The following DLGAP1 variants were observed in gnomAD, a reference collection of about 807,000 sequenced individuals.
DLGAP1 encodes disks large-associated protein 1.
DLGAP1 carries 11 observed loss-of-function variants against 90.8 expected under a neutral mutation model. The observed-to-expected ratio is 0.12, with a 90% CI of 0.08 to 0.20. DLGAP1 has a LOEUF of 0.20. Among genes scored for constraint, DLGAP1 ranks in the 10% least tolerant of loss-of-function variants. The pLI is 1.00. For missense variants in DLGAP1, 1,050 were observed against 1,333.8 expected (o/e 0.79, Z 3.31); for synonymous variants, 558 against 540.7 (o/e 1.03, Z -0.44).
At chr18:3,681,026 T>G (rs909291545) in intron 7 of DLGAP1, among the ~76,000 whole-genome samples, 2 of 152,062 alleles carry the variant, frequency 1.3e-5, no homozygotes, top group Non-Finnish European at 2.9e-5. Context: ...TGGTGAGATA[T>G]GAAAAAGGGT....
intron 4 of DLGAP1, chr18:3,878,067 G>A (rs1437678990): frequency 6.6e-6 from 1 of 152,112 alleles, no homozygotes; most frequent in African/African-American, 2.4e-5. Flanking sequence ...GAGCAAAAAA[G>A]ATGAACTCCT....
At chr18:3,750,218 T>A (rs1176615800) in intron 5 of DLGAP1, among the ~76,000 whole-genome samples, 1 of 152,230 alleles carries the variant, frequency 6.6e-6, no homozygotes, top group Non-Finnish European at 1.5e-5. Flanking sequence ...AGTGACAACA[T>A]GTGGCATTTG....
chr18:4,363,257 C>T (rs1344693721), intron 1 of DLGAP1, among the ~76,000 whole-genome samples: 1 of 152,164 alleles, frequency 6.6e-6, no homozygotes, highest in Non-Finnish European at 1.5e-5. Context: ...ATCCACACAT[C>T]CCTGATTGCA....
At chr18:4,138,731 T>A (rs2076447430) in intron 2 of DLGAP1, among the ~76,000 whole-genome samples, 1 of 152,068 alleles carries the variant, frequency 6.6e-6, no homozygotes, top group Non-Finnish European at 1.5e-5. Flanking sequence ...CTTCTTTGTA[T>A]GTTTGTTAAA....
intron 12 of DLGAP1, among the ~76,000 whole-genome samples, chr18:3,500,595 G>GA (rs200103017): frequency 0.023 from 3,512 of 152,126 alleles, 56 homozygotes; most frequent in Non-Finnish European, 0.038. Context: ...GCTTAAAAGA[G>GA]AAAAAAGGAG....
At chr18:4,424,635 C>T (rs2083111910) in intron 1 of DLGAP1, among the ~76,000 whole-genome samples, 1 of 152,020 alleles carries the variant, frequency 6.6e-6, no homozygotes, top group South Asian at 2.1e-4. Flanking sequence ...CAAACTGTGA[C>T]CAAACTGTTC....
intron 10 of DLGAP1, among the ~76,000 whole-genome samples, chr18:3,516,547 C>G (rs1460802356): frequency 6.6e-6 from 1 of 152,048 alleles, no homozygotes; most frequent in African/African-American, 2.4e-5. Context: ...GAATGGATGT[C>G]GTATTCCTCT....
At chr18:3,929,205 T>C (rs1441049953) in intron 3 of DLGAP1, among the ~76,000 whole-genome samples, 1 of 152,240 alleles carries the variant, frequency 6.6e-6, no homozygotes, top group Non-Finnish European at 1.5e-5. Context: ...TTTTCTGTAA[T>C]TTCATTTTTA....
intron 7 of DLGAP1, among the ~76,000 whole-genome samples, chr18:3,676,244 C>T (rs1039442171): frequency 6.6e-6 from 1 of 152,192 alleles, no homozygotes; most frequent in Non-Finnish European, 1.5e-5. Context: ...TAGGGTGGGG[C>T]AACCAGCCTT....
At chr18:4,005,828 C>T (rs1310930803) in intron 2 of DLGAP1, among the ~76,000 whole-genome samples, 1 of 152,204 alleles carries the variant, frequency 6.6e-6, no homozygotes, top group African/African-American at 2.4e-5. Context: ...TAGTTCTCAA[C>T]CTTGGTTCTG....
chr18:4,249,781 G>GTCT (rs577721251), intron 1 of DLGAP1, among the ~76,000 whole-genome samples: 69 of 152,194 alleles, frequency 4.5e-4, no homozygotes, highest in African/African-American at 1.0e-3. Flanking sequence ...AGAGACGGGG[G>GTCT]TCTCACTATG....
intron 2 of DLGAP1, among the ~76,000 whole-genome samples, chr18:4,086,441 T>C (rs62087444): frequency 0.21 from 31,754 of 152,156 alleles, 4,239 homozygotes; most frequent in Non-Finnish European, 0.31. Flanking sequence ...CAGCATATAA[T>C]GCTATAAATT....
chr18:4,096,100 A>G (rs1489605316), intron 2 of DLGAP1, among the ~76,000 whole-genome samples: 1 of 152,122 alleles, frequency 6.6e-6, no homozygotes, highest in Non-Finnish European at 1.5e-5. Flanking sequence ...ATCTCAGCTC[A>G]CTGCAGTCTC....
intron 2 of DLGAP1, among the ~76,000 whole-genome samples, chr18:4,097,389 C>G (rs1262686706): frequency 6.6e-6 from 1 of 152,192 alleles, no homozygotes; most frequent in Admixed American, 6.5e-5. Flanking sequence ...ATCATAATTT[C>G]CCCATCAAAT....
chr18:4,140,330 CATT>C (rs2076475342), intron 2 of DLGAP1, among the ~76,000 whole-genome samples: 1 of 151,672 alleles, frequency 6.6e-6, no homozygotes, highest in African/African-American at 2.4e-5. Context: ...TCTTGTAACC[CATT>C]ATTTTAAACT....
At position 3,551,158 on chromosome 18, in the gene DLGAP1, C is replaced by CATATATATATATATATATATATATATAT. The variant is rs1275015577; in HGVS notation, c.2057+16331_2057+16332insATATATATATATATATATATATATATAT. 8.9e-3 allele frequency among the ~76,000 whole-genome samples: 69 copies of CATATATATATATATATATATATATATAT among 7,746 alleles called. 2 individuals are homozygous for CATATATATATATATATATATATATATAT. Among genetic ancestry groups the CATATATATATATATATATATATATATAT allele is most frequent in the African/African-American group, 9.6e-3 (68 of 7,054 alleles). 5.1% of individuals were successfully genotyped at this position (7,746 alleles called of 152,430 possible). ...AGCCCAAACTGACTAATATTATATACATATATATATATATATATACACATA... is the reference window on the plus strand; with the variant it reads ...AGCCCAAACTGACTAATATTATATACATATATATATATATATATATATATATATATATATATATATATATATACACATA... On this transcript the variant is annotated intron_variant, in intron 9 of 12. Transcript: ENST00000315677.
chr18:3,990,730 G>A (rs1376623994), intron 3 of DLGAP1, among the ~76,000 whole-genome samples: 2 of 151,226 alleles, frequency 1.3e-5, no homozygotes, highest in Non-Finnish European at 2.9e-5. Context: ...AAATATATGT[G>A]CTATTAAATA....
At chr18:3,631,515 A>G (rs1163377797) in intron 7 of DLGAP1, among the ~76,000 whole-genome samples, 2 of 152,140 alleles carry the variant, frequency 1.3e-5, no homozygotes, top group Non-Finnish European at 2.9e-5. Context: ...TGGGAAGCTG[A>G]GGCAGGAGGA....
chr18:3,710,402 A>C (rs181443435), intron 7 of DLGAP1, among the ~76,000 whole-genome samples: 49 of 152,250 alleles, frequency 3.2e-4, no homozygotes, highest in African/African-American at 1.1e-3. Flanking sequence ...AGGGACATGA[A>C]TTTGAATTTT....
Sources: gnomAD v4.1 joint callset for allele counts (sites outside exome capture counted in the v4.1 genomes callset) on GRCh38, gnomAD v4.1.1 for gene constraint, MANE v1.5 for transcripts, NCBI Gene and HGNC (gene_info 2026-07-23, HGNC 2026-07-21) for gene names.